ABCB1: variants seen among roughly 807,000 people sequenced by gnomAD.
The protein encoded by ABCB1 is ATP binding cassette subfamily B member 1, also known as ATP-dependent translocase ABCB1.
ABCB1 carries 69 observed loss-of-function variants against 142.0 expected under a neutral mutation model. That is an observed-to-expected ratio of 0.49 (90% CI 0.40 to 0.59). The LOEUF is 0.59. Among genes scored for constraint, ABCB1 ranks in the 20% least tolerant of loss-of-function variants. The probability of loss-of-function intolerance (pLI) is 0.00; values close to 1 mark genes in which losing one functional copy is unlikely to be tolerated. For synonymous variants in ABCB1, 532 were observed against 539.2 expected (o/e 0.99, Z 0.18); for missense variants, 1,326 against 1,554.7 (o/e 0.85, Z 2.47).
At chr7:87,632,382 T>C (rs1013082976) in intron 1 of ABCB1, among the ~76,000 whole-genome samples, 1 of 152,206 alleles carries the variant, frequency 6.6e-6, no homozygotes, top group African/African-American at 2.4e-5. Flanking sequence ...TATATGTGTA[T>C]GTAATTCATT....
At chr7:87,508,008 T>C (rs1324983737) in intron 26 of ABCB1, among the ~76,000 whole-genome samples, 1 of 151,994 alleles carries the variant, frequency 6.6e-6, no homozygotes, top group Non-Finnish European at 1.5e-5. Flanking sequence ...GGGGTAAGTG[T>C]TGAAAAACTA....
intron 1 of ABCB1, among the ~76,000 whole-genome samples, chr7:87,648,592 G>A (rs550345095): frequency 1.3e-5 from 2 of 152,060 alleles, no homozygotes; most frequent in African/African-American, 4.8e-5. Flanking sequence ...AATGAGGCAA[G>A]CACTGTTCAG....
chr7:87,648,171 C>T (rs1164328404), intron 1 of ABCB1, among the ~76,000 whole-genome samples: 2 of 133,924 alleles, frequency 1.5e-5, no homozygotes, highest in Non-Finnish European at 3.1e-5. Context: ...GGTGACAGAG[C>T]GAGACTCTGT....
chr7:87,531,240 T>C (rs1816042256), intron 21 of ABCB1, 54 bp downstream of exon 21: 1 of 1,470,642 alleles, frequency 6.8e-7, no homozygotes, highest in Middle Eastern at 1.9e-4. Flanking sequence ...AAAATAACAC[T>C]GATTAGAATA....
intron 14 of ABCB1, among the ~76,000 whole-genome samples, chr7:87,547,850 CAAAA>C (rs1210127693): frequency 2.4e-5 from 1 of 42,018 alleles, no homozygotes. Context: ...GACTCCATCT[CAAAA>C]AAAAAAAAAA....
At chr7:87,627,210 T>C (rs1563082573) in intron 1 of ABCB1, among the ~76,000 whole-genome samples, 1 of 152,176 alleles carries the variant, frequency 6.6e-6, no homozygotes, top group African/African-American at 2.4e-5. Flanking sequence ...ACAACTTTAT[T>C]ACACAAACGT....
At position 87,575,221 on chromosome 7, in the gene ABCB1, A is replaced by G. The variant is rs150635385; in HGVS notation, c.287-4998T>C. 1.6e-3 allele frequency among the ~76,000 whole-genome samples: 245 copies of G among 152,332 alleles called. 6 individuals are homozygous for G. The East Asian group carries it at 0.036, about 23-fold the overall frequency. On this transcript the variant is annotated intron_variant, in intron 4 of 27. Coordinates refer to ENST00000622132, the MANE Select transcript of ABCB1 (RefSeq NM_001348946.2). ...AACTTTAATAACTGAACACTTAAGA[A>G]CAGTATGAATAAAAAATATATAACA...
At chr7:87,512,363 T>G (rs1283499806) in intron 25 of ABCB1, among the ~76,000 whole-genome samples, 1 of 152,136 alleles carries the variant, frequency 6.6e-6, no homozygotes, top group Non-Finnish European at 1.5e-5. Context: ...CGAATGATGG[T>G]TGGCATCAGA....
At chr7:87,555,202 A>G (rs1817256696) in intron 8 of ABCB1, among the ~76,000 whole-genome samples, 1 of 152,180 alleles carries the variant, frequency 6.6e-6, no homozygotes, top group South Asian at 2.1e-4. Context: ...ATGTAGAACC[A>G]AGGTAAAAGG....
intron 20 of ABCB1, among the ~76,000 whole-genome samples, chr7:87,534,191 C>T (rs545267144): frequency 6.6e-6 from 1 of 152,300 alleles, no homozygotes; most frequent in South Asian, 2.1e-4. Flanking sequence ...TACATCTGCT[C>T]TGGGTTCTGC....
intron 1 of ABCB1, among the ~76,000 whole-genome samples, chr7:87,608,355 G>A (rs2130040353): frequency 1.3e-5 from 2 of 152,312 alleles, no homozygotes; most frequent in South Asian, 4.1e-4. Flanking sequence ...ATTGTTAATA[G>A]ACTAGTAAGT....
At position 87,707,165 on chromosome 7, in the gene ABCB1, C is replaced by A. The variant is rs189838187; in HGVS notation, c.-331+5996G>T. Among the ~76,000 whole-genome samples, 1,040 of 152,156 alleles carry A rather than the reference C, an allele frequency of 6.8e-3. 10 individuals are homozygous for A. The highest frequency in any genetic ancestry group is 0.034 in the Middle Eastern group (10 of 294). ...TAGCCTCAGAGTTGCTATAAATTTT[C>A]ATACAGAATGTCTAGTATACAGTAA... On this transcript the variant is annotated intron_variant, in intron 1 of 28. Coordinates refer to the ABCB1 transcript ENST00000265724.
intron 20 of ABCB1, among the ~76,000 whole-genome samples, chr7:87,533,232 T>G (rs765947943): frequency 1.3e-5 from 2 of 152,130 alleles, no homozygotes; most frequent in Non-Finnish European, 2.9e-5. Context: ...ATGATATAAG[T>G]TGCTCCTGTT....
chr7:87,574,063 A>C (rs939399611), intron 4 of ABCB1, among the ~76,000 whole-genome samples: 2 of 152,194 alleles, frequency 1.3e-5, no homozygotes, highest in African/African-American at 4.8e-5. Context: ...TGCTGACTAC[A>C]TAGGCACTGG....
At chr7:87,623,100 C>T (rs944937556) in intron 1 of ABCB1, among the ~76,000 whole-genome samples, 1 of 152,090 alleles carries the variant, frequency 6.6e-6, no homozygotes, top group Non-Finnish European at 1.5e-5. Flanking sequence ...AGATTTCAAT[C>T]CTGGCTCTGC....
At chr7:87,710,254 A>G (rs1829949865) in intron 1 of ABCB1, among the ~76,000 whole-genome samples, 1 of 152,198 alleles carries the variant, frequency 6.6e-6, no homozygotes, top group African/African-American at 2.4e-5. Flanking sequence ...ATTGAAGTAG[A>G]GAGTTATATC....
intron 1 of ABCB1, among the ~76,000 whole-genome samples, chr7:87,608,215 G>A (rs1819726340): frequency 6.6e-6 from 1 of 152,194 alleles, no homozygotes; most frequent in Non-Finnish European, 1.5e-5. Context: ...CTGGTCATTT[G>A]ACATTGGAAA....
intron 1 of ABCB1, among the ~76,000 whole-genome samples, chr7:87,664,653 A>T (rs1227374419): frequency 6.6e-6 from 1 of 152,178 alleles, no homozygotes; most frequent in Non-Finnish European, 1.5e-5. Flanking sequence ...AATGGAGATG[A>T]TAGAGGTGCG....
At chr7:87,672,597 A>G (rs1281744181) in intron 1 of ABCB1, among the ~76,000 whole-genome samples, 1 of 152,164 alleles carries the variant, frequency 6.6e-6, no homozygotes, top group Non-Finnish European at 1.5e-5. Flanking sequence ...CTTTTGCTGG[A>G]AAGCCCAGTA....
Sources: allele counts gnomAD v4.1 joint callset (sites outside exome capture counted in the v4.1 genomes callset), GRCh38; gene constraint gnomAD v4.1.1; transcripts MANE v1.5; gene names NCBI Gene and HGNC (gene_info 2026-07-23, HGNC 2026-07-21).